CDH18: variants seen among roughly 807,000 people sequenced by gnomAD.
The protein encoded by CDH18 is cadherin-18.
A neutral mutation model predicts 67.9 loss-of-function variants in CDH18; 31 were observed. The ratio of observed to expected loss-of-function variants is 0.46; its 90% confidence interval spans 0.34 to 0.62. The LOEUF (loss-of-function observed/expected upper bound fraction) is 0.62. Among genes scored for constraint, CDH18 ranks in the 20% least tolerant of loss-of-function variants. The pLI, the probability that CDH18 is intolerant of heterozygous loss-of-function variation, is 0.01. For synonymous variants in CDH18, 362 were observed against 347.2 expected (o/e 1.04, Z -0.48); for missense variants, 890 against 975.5 (o/e 0.91, Z 1.17).
At chr5:19,596,849 C>G (rs916998442) in intron 6 of CDH18, among the ~76,000 whole-genome samples, 2 of 152,196 alleles carry the variant, frequency 1.3e-5, no homozygotes, top group Non-Finnish European at 1.5e-5. Flanking sequence ...ATTTTGTACA[C>G]TCTCCATTGA....
intron 2 of CDH18, among the ~76,000 whole-genome samples, chr5:19,908,173 C>T (rs979283182): frequency 1.3e-5 from 2 of 151,950 alleles, no homozygotes; most frequent in Admixed American, 1.3e-4. Context: ...CATTCATTTA[C>T]CTTGTTTTGA....
At chr5:20,103,443 T>C (rs558982731) in intron 2 of CDH18, among the ~76,000 whole-genome samples, 5 of 151,858 alleles carry the variant, frequency 3.3e-5, no homozygotes, top group Admixed American at 2.0e-4. Context: ...TACATAAAAA[T>C]ATACTGGCGC....
At chr5:19,475,125 G>T (rs1478279244) in intron 12 of CDH18, among the ~76,000 whole-genome samples, 1 of 151,530 alleles carries the variant, frequency 6.6e-6, no homozygotes, top group Non-Finnish European at 1.5e-5. Flanking sequence ...ATTTAAGGTT[G>T]TTATATTTAG....
intron 2 of CDH18, among the ~76,000 whole-genome samples, chr5:19,976,218 A>G (rs1350923148): frequency 6.6e-6 from 1 of 152,192 alleles, no homozygotes; most frequent in Non-Finnish European, 1.5e-5. Flanking sequence ...TCTGAAGAAA[A>G]ACTATTTTAA....
At chr5:20,570,423 C>T (rs951120341) in intron 1 of CDH18, among the ~76,000 whole-genome samples, 8 of 151,984 alleles carry the variant, frequency 5.3e-5, no homozygotes, top group Admixed American at 3.3e-4. Flanking sequence ...AAACAATGTT[C>T]GCTATACATA....
At chr5:19,812,684 T>A (rs1394933503) in intron 3 of CDH18, among the ~76,000 whole-genome samples, 2 of 152,080 alleles carry the variant, frequency 1.3e-5, no homozygotes, top group East Asian at 3.9e-4. Flanking sequence ...CCAAATGCAT[T>A]AAAAATTACA....
At chr5:20,275,989 C>A (rs1745780235) in intron 1 of CDH18, among the ~76,000 whole-genome samples, 1 of 152,134 alleles carries the variant, frequency 6.6e-6, no homozygotes, top group Non-Finnish European at 1.5e-5. Flanking sequence ...AGCATTTAGA[C>A]CAGCCCTAGC....
intron 1 of CDH18, among the ~76,000 whole-genome samples, chr5:20,352,257 T>A (rs1580813185): frequency 1.3e-5 from 2 of 151,822 alleles, no homozygotes; most frequent in East Asian, 3.9e-4. Flanking sequence ...GAGACCTCCA[T>A]GATGATGACT....
At chr5:20,064,419 T>A (rs1196468041) in intron 2 of CDH18, among the ~76,000 whole-genome samples, 1 of 152,184 alleles carries the variant, frequency 6.6e-6, no homozygotes, top group Admixed American at 6.6e-5. Flanking sequence ...TTGCTCTTAA[T>A]CAGGGGCTGT....
At chr5:19,574,037 C>T (rs576863024) in intron 7 of CDH18, among the ~76,000 whole-genome samples, 1 of 152,274 alleles carries the variant, frequency 6.6e-6, no homozygotes, top group South Asian at 2.1e-4. Flanking sequence ...AAACAATCAC[C>T]TCCACTTATT....
chr5:20,099,941 G>A (rs79202163), intron 2 of CDH18, among the ~76,000 whole-genome samples: 2,730 of 151,990 alleles, frequency 0.018, 56 homozygotes, highest in Admixed American at 0.051. Context: ...ACACCACCAC[G>A]CCCAGCTCAT....
chr5:20,411,949 T>A (rs760387027), intron 1 of CDH18, among the ~76,000 whole-genome samples: 4 of 152,116 alleles, frequency 2.6e-5, no homozygotes, highest in African/African-American at 9.7e-5. Context: ...ATTAAAATAG[T>A]CATACTGCTG....
intron 5 of CDH18, among the ~76,000 whole-genome samples, chr5:19,621,216 GT>G (rs3062881): frequency 0.018 from 2,473 of 140,376 alleles, 48 homozygotes; most frequent in African/African-American, 0.052. Context: ...AAGAACCCAG[GT>G]TTTTTTTTTT....
chr5:19,534,307 C>T (rs1040214373), intron 9 of CDH18, among the ~76,000 whole-genome samples: 13 of 150,702 alleles, frequency 8.6e-5, no homozygotes, highest in Non-Finnish European at 4.5e-5. Context: ...TAAAAAAAAA[C>T]TGAAAGCAGC....
chr5:19,975,667 C>A (rs1798432112), intron 2 of CDH18, among the ~76,000 whole-genome samples: 1 of 152,084 alleles, frequency 6.6e-6, no homozygotes, highest in South Asian at 2.1e-4. Context: ...TAGCTAAGAA[C>A]AAACTATTAT....
intron 2 of CDH18, among the ~76,000 whole-genome samples, chr5:19,839,651 G>A (rs1381335639): frequency 6.6e-6 from 1 of 152,066 alleles, no homozygotes; most frequent in African/African-American, 2.4e-5. Flanking sequence ...AAAGATCAAA[G>A]AAAAAGGTGG....
At chr5:20,381,795 A>C (rs1450088601) in intron 1 of CDH18, among the ~76,000 whole-genome samples, 1 of 152,156 alleles carries the variant, frequency 6.6e-6, no homozygotes, top group Non-Finnish European at 1.5e-5. Flanking sequence ...AAGTAGGATC[A>C]ATATTAACTA....
At chr5:19,909,303 T>C (rs1426347129) in intron 2 of CDH18, among the ~76,000 whole-genome samples, 1 of 125,804 alleles carries the variant, frequency 7.9e-6, no homozygotes, top group Non-Finnish European at 1.7e-5. Flanking sequence ...TCCTTCACTT[T>C]TTTTTTTTTT....
At chr5:19,959,331 A>C (rs982003674) in intron 2 of CDH18, among the ~76,000 whole-genome samples, 1 of 152,080 alleles carries the variant, frequency 6.6e-6, no homozygotes, top group Non-Finnish European at 1.5e-5. Flanking sequence ...ATTAAATATA[A>C]ACTCAGAAGA....
Sources: allele counts gnomAD v4.1 joint callset (sites outside exome capture counted in the v4.1 genomes callset), GRCh38; gene constraint gnomAD v4.1.1; transcripts MANE v1.5; gene names NCBI Gene and HGNC (gene_info 2026-07-23, HGNC 2026-07-21).